PDE4D: variants seen among roughly 807,000 people sequenced by gnomAD.
The protein encoded by PDE4D is 3',5'-cyclic-AMP phosphodiesterase 4D.
Under a neutral mutation model 87.4 loss-of-function variants are expected in PDE4D, and 24 were observed. That is an observed-to-expected ratio of 0.27 (90% CI 0.20 to 0.39). PDE4D has a LOEUF of 0.39. PDE4D is among the 10% of genes least tolerant of loss of function. PDE4D has a pLI of 1.00. For synonymous variants in PDE4D, 384 were observed against 383.2 expected (o/e 1.00, Z -0.02); for missense variants, 714 against 1,041.0 (o/e 0.69, Z 4.32).
At chr5:60,239,304 G>T (rs1746799306) in intron 1 of PDE4D, among the ~76,000 whole-genome samples, 2 of 152,014 alleles carry the variant, frequency 1.3e-5, no homozygotes, top group Admixed American at 6.6e-5. Flanking sequence ...ATTTATTGCT[G>T]CTCCAATATC....
At chr5:59,690,281 A>G (rs1322360693) in intron 1 of PDE4D, among the ~76,000 whole-genome samples, 3 of 152,218 alleles carry the variant, frequency 2.0e-5, no homozygotes, top group African/African-American at 7.2e-5. Flanking sequence ...AGCCAAAAGA[A>G]CAAAGCTGGA....
chr5:59,810,735 A>C (rs889391942), intron 1 of PDE4D, among the ~76,000 whole-genome samples: 26 of 152,224 alleles, frequency 1.7e-4, no homozygotes, highest in African/African-American at 5.5e-4. Context: ...GTTCCTACGT[A>C]TTCCCATTTT....
rs375668816 is a variant in PDE4D, at chr5:59,299,386, G to C, written c.456-83418C>G. ...AGCTCCTGTTTCCCTCTGTGGGAAC[G>C]GACTTGATGATGTGTATTTTTTCAG... On this transcript the variant is annotated intron_variant, in intron 1 of 14. Coordinates refer to ENST00000340635, the MANE Select transcript of PDE4D (RefSeq NM_001104631.2). Among the ~76,000 whole-genome samples, 31 of 152,242 alleles carry C rather than the reference G, an allele frequency of 2.0e-4. No homozygotes were observed. The East Asian group carries it at 3.1e-3, about 15-fold the overall frequency.
intron 1 of PDE4D, among the ~76,000 whole-genome samples, chr5:59,720,062 GT>G (rs1267323891): frequency 6.6e-6 from 1 of 152,166 alleles, no homozygotes; most frequent in Admixed American, 6.5e-5. Flanking sequence ...TTCTGAAGCT[GT>G]TTCTTCCACT....
intron 1 of PDE4D, among the ~76,000 whole-genome samples, chr5:60,322,554 T>G (rs1756407281): frequency 6.6e-6 from 1 of 152,152 alleles, no homozygotes; most frequent in African/African-American, 2.4e-5. Flanking sequence ...TCTCTTATCT[T>G]TCTCATACCA....
intron 5 of PDE4D, among the ~76,000 whole-genome samples, chr5:59,176,668 A>G (rs1398581970): frequency 6.6e-6 from 1 of 152,202 alleles, no homozygotes; most frequent in Non-Finnish European, 1.5e-5. Flanking sequence ...CTTAGAAAGC[A>G]TGGTATGTGA....
intron 1 of PDE4D, among the ~76,000 whole-genome samples, chr5:60,473,157 A>C (rs1747973744): frequency 6.8e-6 from 1 of 146,372 alleles, no homozygotes; most frequent in African/African-American, 2.5e-5. Context: ...GGAAGGAAGG[A>C]AGGAAGGAAG....
chr5:59,424,003 G>A (rs891080380), intron 1 of PDE4D, among the ~76,000 whole-genome samples: 2 of 152,084 alleles, frequency 1.3e-5, no homozygotes, highest in Non-Finnish European at 2.9e-5. Flanking sequence ...TGGTAGCAGT[G>A]GAGATGGCAT....
At chr5:60,023,437 C>G (rs1296221300) in intron 2 of PDE4D, among the ~76,000 whole-genome samples, 1 of 152,146 alleles carries the variant, frequency 6.6e-6, no homozygotes, top group South Asian at 2.1e-4. Flanking sequence ...GCATTCCCCC[C>G]ACCAATAATT....
intron 1 of PDE4D, among the ~76,000 whole-genome samples, chr5:59,464,031 A>G (rs1228913989): frequency 1.3e-5 from 2 of 152,172 alleles, no homozygotes; most frequent in Non-Finnish European, 2.9e-5. Context: ...ATGCTCCTTA[A>G]GAGTCATCAC....
At chr5:59,422,950 A>G (rs1047915322) in intron 1 of PDE4D, among the ~76,000 whole-genome samples, 1 of 152,228 alleles carries the variant, frequency 6.6e-6, no homozygotes, top group Admixed American at 6.5e-5. Flanking sequence ...AAAAACCTCA[A>G]TGATAAATAA....
intron 8 of PDE4D, 89 bp downstream of exon 8, chr5:58,991,743 C>T: frequency 1.2e-6 from 1 of 829,488 alleles, no homozygotes; most frequent in South Asian, 4.5e-5. Context: ...AATTAATAAA[C>T]TTTTCTATCC....
intron 2 of PDE4D, among the ~76,000 whole-genome samples, chr5:60,048,234 C>T (rs1769565647): frequency 6.6e-6 from 1 of 152,172 alleles, no homozygotes; most frequent in South Asian, 2.1e-4. Context: ...CTTCCTCCAT[C>T]CTTTTATTTT....
intron 6 of PDE4D, among the ~76,000 whole-genome samples, chr5:59,035,325 T>A (rs1758312989): frequency 6.6e-6 from 1 of 152,238 alleles, no homozygotes; most frequent in African/African-American, 2.4e-5. Context: ...AAACTTCTAA[T>A]TAGAACTTCA....
At chr5:59,886,172 G>A (rs1750116133) in intron 1 of PDE4D, among the ~76,000 whole-genome samples, 1 of 152,138 alleles carries the variant, frequency 6.6e-6, no homozygotes, top group African/African-American at 2.4e-5. Context: ...CCTAATGGGG[G>A]AAACACATAA....
At chr5:59,944,327 ACTTTAGGATTGTATCTGGGCATG>A (rs1757500608) in intron 3 of PDE4D, among the ~76,000 whole-genome samples, 1 of 151,600 alleles carries the variant, frequency 6.6e-6, no homozygotes, top group Non-Finnish European at 1.5e-5. Flanking sequence ...ATCTGGGCAT[ACTTTAGGATTGTATCTGGGCATG>A]CTTTTTTTTT....
intron 1 of PDE4D, among the ~76,000 whole-genome samples, chr5:59,352,924 T>C (rs1780754129): frequency 6.6e-6 from 1 of 152,202 alleles, no homozygotes; most frequent in South Asian, 2.1e-4. Context: ...GAAAAGATGT[T>C]GAAACAATTG....
chr5:60,110,777 T>C (rs1324992907), intron 2 of PDE4D, among the ~76,000 whole-genome samples: 2 of 151,872 alleles, frequency 1.3e-5, no homozygotes, highest in Non-Finnish European at 2.9e-5. Flanking sequence ...GACAAATAGA[T>C]AAAGAAAATG....
chr5:59,052,232 G>A (rs909811865), intron 5 of PDE4D, among the ~76,000 whole-genome samples: 3 of 152,318 alleles, frequency 2.0e-5, no homozygotes, highest in African/African-American at 7.2e-5. Flanking sequence ...TGGGTTTCAG[G>A]AAGAAGGTGA....
Sources: gnomAD v4.1 joint callset for allele counts (sites outside exome capture counted in the v4.1 genomes callset) on GRCh38, gnomAD v4.1.1 for gene constraint, MANE v1.5 for transcripts, NCBI Gene and HGNC (gene_info 2026-07-23, HGNC 2026-07-21) for gene names.